Variants in DENND10 observed in about 807,000 individuals in gnomAD.
The protein encoded by DENND10 is DENN domain-containing protein 10.
A neutral mutation model predicts 43.6 loss-of-function variants in DENND10; 24 were observed. That is an observed-to-expected ratio of 0.55 (90% CI 0.40 to 0.77). The LOEUF (loss-of-function observed/expected upper bound fraction) is 0.77. Among genes scored for constraint, DENND10 ranks in the 30% least tolerant of loss-of-function variants. DENND10 has a pLI of 0.00. For synonymous variants in DENND10, 125 were observed against 157.6 expected, an observed-to-expected ratio of 0.79 and a Z score of 1.55; for missense variants, 303 against 429.9, an observed-to-expected ratio of 0.70 and a Z score of 2.61.
At chr10:119,122,491 G>A (rs1290980965) in intron 5 of DENND10, among the ~76,000 whole-genome samples, 4 of 152,142 alleles carry the variant, frequency 2.6e-5, no homozygotes, top group African/African-American at 9.7e-5. Flanking sequence ...GATTGCATCA[G>A]ATTTTAAGTG....
chr10:119,111,732 G>T, intron 2 of DENND10, 117 bp from the exon 3 acceptor site: 3 of 710,262 alleles, frequency 4.2e-6, no homozygotes, highest in East Asian at 2.6e-5. Context: ...GTTAAATTTT[G>T]GTCTTTTTCT....
chr10:119,130,482 G>C (rs1285660222), intron 7 of DENND10, among the ~76,000 whole-genome samples: 1 of 151,994 alleles, frequency 6.6e-6, no homozygotes, highest in Non-Finnish European at 1.5e-5. Flanking sequence ...ATTTTTACTT[G>C]AGACAGGGTT....
intron 8 of DENND10, chr10:119,133,796 C>T (rs1846187852): frequency 6.6e-6 from 1 of 152,226 alleles, no homozygotes; most frequent in Non-Finnish European, 1.5e-5. Flanking sequence ...TCTTTCCTAC[C>T]ATGGGAATCC....
At chr10:119,105,459 A>AT (rs1844646307) in intron 1 of DENND10, 1 of 955,942 alleles carries the variant, frequency 1.0e-6, no homozygotes, top group Non-Finnish European at 1.4e-6. Flanking sequence ...TAATTTTTGT[A>AT]TTTTTTGTGG....
intron 2 of DENND10, among the ~76,000 whole-genome samples, chr10:119,111,245 G>T (rs1053927546): frequency 7.2e-6 from 1 of 139,592 alleles, no homozygotes; most frequent in Non-Finnish European, 1.5e-5. Flanking sequence ...TCCAGCCTGG[G>T]CGACAGAGCA....
chr10:119,122,104 C>T (rs2133498515), intron 5 of DENND10, among the ~76,000 whole-genome samples: 1 of 151,968 alleles, frequency 6.6e-6, no homozygotes, highest in African/African-American at 2.4e-5. Context: ...ACCAGAAGTT[C>T]AGGACCAGAC....
intron 4 of DENND10, among the ~76,000 whole-genome samples, chr10:119,118,282 T>C (rs1845393635): frequency 6.6e-6 from 1 of 152,210 alleles, no homozygotes; most frequent in African/African-American, 2.4e-5. Context: ...TTGGCTATTT[T>C]AGAAATATTT....
chr10:119,104,314 C>T lies in DENND10; in HGVS notation c.55+117C>T, dbSNP rs1001401601. The T allele has an allele frequency of 5.4e-5, 52 of 956,528 alleles. No individual in the cohort carries two copies. The African/African-American group carries it at 6.6e-4, about 12-fold the overall frequency. 59.3% of individuals were successfully genotyped at this position (956,528 alleles called of 1,614,324 possible). A position where few individuals can be genotyped will look rare whatever the true frequency, so the allele number is the denominator to read the frequency against. On this transcript the variant is annotated intron_variant, in intron 1 of 8. Coordinates refer to ENST00000361432, the MANE Select transcript of DENND10 (RefSeq NM_207009.4). ...CGGCGCCGACCGCATGAGGAGGGCG[C>T]GGCCCCCTCCCTGTTGGGCCTGGAC...
rs188563549 is a variant in DENND10, at chr10:119,105,681, C to G, written c.55+1484C>G. ...CTCAGCAGTTTTTTAATTATTCACA[C>G]TAACGTGCATTTAAAAGGGGTTTGC... is the stretch of plus-strand genomic sequence containing the variant. On this transcript the variant is annotated intron_variant, in intron 1 of 8. Transcript: ENST00000361432. 237 of 209,900 alleles carry G rather than the reference C, an allele frequency of 1.1e-3. 2 individuals are homozygous for G. Among genetic ancestry groups the G allele is most frequent in the African/African-American group, 5.4e-3 (230 of 42,686 alleles). 13.0% of individuals were successfully genotyped at this position (209,900 alleles called of 1,614,324 possible). A position where few individuals can be genotyped will look rare whatever the true frequency, so the allele number is the denominator to read the frequency against.
In DENND10 at chr10:119,132,603, T is replaced by C. The variant is rs375821987; in HGVS notation, c.891T>C (p.Val297=). The C allele has an allele frequency of 2.8e-5, 45 of 1,613,128 alleles. No homozygotes were observed. In the African/African-American group the frequency reaches 4.5e-4, roughly 16 times the overall value. The change falls in exon 8 of 9, where the codon GTT becomes GTC. Residue 297 remains valine (V), a synonymous_variant. Coordinates refer to ENST00000361432, the MANE Select transcript of DENND10 (RefSeq NM_207009.4). This position sits in a 1 kb window ranked among gnomAD's most constrained non-coding sequence, Gnocchi z 4.2. Reference sequence around the variant, plus strand: ...ATCCAGAGAAATCAGAGAGCCACGTTATACAGGTAACTCCCTCACCTTCTG... The same window carrying C: ...ATCCAGAGAAATCAGAGAGCCACGTCATACAGGTAACTCCCTCACCTTCTG... ...AEDPEKSESH[V]IQDIALKTRE... is the part of the protein sequence containing the mutation.
chr10:119,104,832 C>A (rs887088093), intron 1 of DENND10: 1 of 152,534 alleles, frequency 6.6e-6, no homozygotes, highest in African/African-American at 2.4e-5. Flanking sequence ...AAATGGAGGC[C>A]CAGGCCGTCA....
intron 3 of DENND10, 104 bp downstream of exon 3, chr10:119,112,032 T>C: frequency 1.2e-6 from 1 of 834,318 alleles, no homozygotes; most frequent in Non-Finnish European, 2.0e-6. Context: ...GCCTTGTGTC[T>C]CCCCAGCATA....
intron 8 of DENND10, chr10:119,134,030 A>C (rs1846197747): frequency 6.6e-6 from 1 of 152,156 alleles, no homozygotes; most frequent in Non-Finnish European, 1.5e-5. Flanking sequence ...GCAAACAAGG[A>C]AGAAGACGTG....
intron 6 of DENND10, among the ~76,000 whole-genome samples, chr10:119,127,461 A>G (rs1467724345): frequency 3.3e-5 from 5 of 151,438 alleles, no homozygotes; most frequent in Non-Finnish European, 5.9e-5. Context: ...TGTTTTTTAA[A>G]TTATTTTGTT....
intron 3 of DENND10, among the ~76,000 whole-genome samples, chr10:119,116,976 G>A (rs567839510): frequency 3.6e-4 from 54 of 151,790 alleles, no homozygotes; most frequent in Middle Eastern, 3.4e-3. Context: ...CACTGCGCCC[G>A]GCTGCTTTTT....
intron 1 of DENND10, chr10:119,105,218 C>A: frequency 6.5e-6 from 1 of 153,296 alleles, no homozygotes; most frequent in Non-Finnish European, 1.5e-5. Flanking sequence ...AAGAAATATG[C>A]TGATTATTTT....
At position 119,124,963 on chromosome 10, in the gene DENND10, T is replaced by G. The variant is rs1428449598; in HGVS notation, c.694+1394T>G. Reference sequence around the variant, plus strand: ...ATATTTAACTATTTAACCTGTAAAGTTTTTTTTTGTTTTTGTTTTTTTCTT... The same window carrying G: ...ATATTTAACTATTTAACCTGTAAAGGTTTTTTTTGTTTTTGTTTTTTTCTT... On this transcript the variant is annotated intron_variant, in intron 6 of 8. Coordinates refer to ENST00000361432, the MANE Select transcript of DENND10 (RefSeq NM_207009.4). Among the ~76,000 whole-genome samples, 11 of 151,404 alleles carry G rather than the reference T, an allele frequency of 7.3e-5. No homozygotes were observed. In the Admixed American group the frequency reaches 7.3e-4, roughly 10 times the overall value.
chr10:119,114,443 G>A (rs918184123), intron 3 of DENND10: 5 of 152,260 alleles, frequency 3.3e-5, no homozygotes, highest in African/African-American at 1.2e-4. Flanking sequence ...GAAGCCCGCA[G>A]GAGGGAACCT....
intron 2 of DENND10, among the ~76,000 whole-genome samples, chr10:119,108,582 TGTC>T (rs1844818148): frequency 6.6e-6 from 1 of 152,204 alleles, no homozygotes; most frequent in African/African-American, 2.4e-5. Flanking sequence ...TATTTATTGT[TGTC>T]TATTATATGA....
Sources: allele counts gnomAD v4.1 joint callset (sites outside exome capture counted in the v4.1 genomes callset), GRCh38; gene constraint gnomAD v4.1.1; non-coding constraint Gnocchi (gnomAD v3.1); transcripts MANE v1.5; gene names NCBI Gene and HGNC (gene_info 2026-07-23, HGNC 2026-07-21).